Variants in PFKFB3 observed in about 807,000 individuals in gnomAD.
The protein encoded by PFKFB3 is 6-phosphofructo-2-kinase/fructose-2,6-bisphosphatase 3.
A neutral mutation model predicts 68.0 loss-of-function variants in PFKFB3; 33 were observed. The observed-to-expected ratio is 0.49, with a 90% CI of 0.37 to 0.65. The LOEUF (loss-of-function observed/expected upper bound fraction) is 0.65. Among genes scored for constraint, PFKFB3 ranks in the 30% least tolerant of loss-of-function variants. PFKFB3 has a pLI of 0.00. For synonymous variants in PFKFB3, 315 were observed against 288.2 expected (o/e 1.09, Z -0.94); for missense variants, 586 against 712.2 (o/e 0.82, Z 2.02).
the PFKFB3 span, among the ~76,000 whole-genome samples, chr10:6,277,371 C>T: frequency 2.0e-5 from 3 of 150,650 alleles, no homozygotes; most frequent in African/African-American, 7.3e-5. Context: ...CAGGTGCACA[C>T]CAACACGCCC....
chr10:6,276,907 C>T, the PFKFB3 span, among the ~76,000 whole-genome samples: 2 of 150,580 alleles, frequency 1.3e-5, no homozygotes, highest in South Asian at 4.2e-4. Flanking sequence ...ATTCTTATAA[C>T]CATCACCCAA....
At chr10:6,214,399 G>C (rs768287724) in intron 2 of PFKFB3, among the ~76,000 whole-genome samples, 1 of 152,122 alleles carries the variant, frequency 6.6e-6, no homozygotes, top group African/African-American at 2.4e-5. Flanking sequence ...TGTCTTCCAC[G>C]AAAGTGGTCC....
intron 1 of PFKFB3, among the ~76,000 whole-genome samples, chr10:6,209,229 A>T (rs529457445): frequency 6.6e-6 from 1 of 152,238 alleles, no homozygotes; most frequent in South Asian, 2.1e-4. Flanking sequence ...CCCCAGATTC[A>T]ATTCGGGTGT....
the PFKFB3 span, among the ~76,000 whole-genome samples, chr10:6,277,008 C>G: frequency 6.6e-6 from 1 of 152,116 alleles, no homozygotes; most frequent in Non-Finnish European, 1.5e-5. Flanking sequence ...CCTTTCTCCT[C>G]CCCACCTGCT....
At chr10:6,183,617 A>G (rs1436770079) in intron 1 of PFKFB3, among the ~76,000 whole-genome samples, 2 of 68,874 alleles carry the variant, frequency 2.9e-5, no homozygotes, top group Admixed American at 3.0e-4. Flanking sequence ...AAAAAAAAAT[A>G]TATATATATA....
chr10:6,169,633 A>C lies in PFKFB3; in HGVS notation c.16+24620A>C, dbSNP rs187523719. Among the ~76,000 whole-genome samples the C allele has an allele frequency of 5.3e-5, 8 of 152,316 alleles. No homozygotes were observed. The East Asian group carries it at 1.5e-3, about 29-fold the overall frequency. On this transcript the variant is annotated intron_variant, in intron 1 of 14. Transcript: ENST00000379789. ...GCTGAGGAACAGGAAGAGTGCGTCC[A>C]GTACTGCTTAAGAATTCGGTGATGT...
chr10:6,224,379 G>A (rs769592242), intron 13 of PFKFB3, 166 bp downstream of exon 13: 34 of 653,210 alleles, frequency 5.2e-5, no homozygotes, highest in Non-Finnish European at 8.8e-5. Context: ...CTGCCTGTCT[G>A]TTCTGTGGCT....
chr10:6,174,835 T>C (rs79416379), intron 1 of PFKFB3, among the ~76,000 whole-genome samples: 2 of 130,954 alleles, frequency 1.5e-5, no homozygotes, highest in African/African-American at 2.7e-5. Flanking sequence ...TTTTTTTTTT[T>C]AATACGGAGT....
chr10:6,210,448 C>T lies in PFKFB3; in HGVS notation c.77-3175C>T, dbSNP rs185094313. Among the ~76,000 whole-genome samples, 770 of 110,782 alleles carry T rather than the reference C, an allele frequency of 7.0e-3. 196 individuals are homozygous for T. Among genetic ancestry groups the T allele is most frequent in the Middle Eastern group, 0.017 (4 of 240 alleles). The allele number at this position is 110,782 out of a possible 152,430, so 72.7% of individuals were successfully genotyped here. On this transcript the variant is annotated intron_variant, in intron 1 of 14. Transcript: ENST00000379775. ...CTATCTCGGCTCACTGCAAGCTCCG[C>T]CTCCCGGGTTCACGCCATTCTCCTG...
the PFKFB3 span, among the ~76,000 whole-genome samples, chr10:6,278,559 G>A: frequency 1.3e-5 from 2 of 152,174 alleles, no homozygotes; most frequent in African/African-American, 4.8e-5. Context: ...ACAGGCGTGA[G>A]CCACCGTGCC....
At chr10:6,202,833 G>A, upstream of PFKFB3, 3 of 981,380 alleles carry the variant, frequency 3.1e-6, no homozygotes, top group Non-Finnish European at 3.7e-6. Context: ...CCACGTGGAA[G>A]GGGGCTGGGA....
chr10:6,198,501 G>T (rs1340622616), upstream of PFKFB3, among the ~76,000 whole-genome samples: 1 of 151,782 alleles, frequency 6.6e-6, no homozygotes, highest in Non-Finnish European at 1.5e-5. Context: ...AATTTTTTTT[G>T]AGACAGAGTC....
chr10:6,168,533 G>T (rs1391840855), intron 1 of PFKFB3, among the ~76,000 whole-genome samples: 1 of 152,204 alleles, frequency 6.6e-6, no homozygotes, highest in Non-Finnish European at 1.5e-5. Flanking sequence ...ACATGGCCTG[G>T]TAGAAAATCA....
Position 6,206,683 on chromosome 10 carries a change from C to T in PFKFB3, c.76+3347C>T, listed in dbSNP as rs533933921. ...GCAGAGACGCTCCCCACATCTCAGA[C>T]GATGGGCGGCCGGGCAGAGATGCTC... On this transcript the variant is annotated intron_variant, in intron 1 of 14. Transcript: ENST00000379775. 2.1e-3 allele frequency among the ~76,000 whole-genome samples: 308 copies of T among 149,682 alleles called. 3 individuals are homozygous for T. Among genetic ancestry groups the T allele is most frequent in the African/African-American group, 7.2e-3 (291 of 40,436 alleles).
chr10:6,249,745 T>TTG (rs34232938), intron 14 of PFKFB3, among the ~76,000 whole-genome samples: 50,731 of 150,724 alleles, frequency 0.34, 10,333 homozygotes, highest in Non-Finnish European at 0.47. Context: ...GGTGGAATAT[T>TTG]TGTGTGTGTG....
At chr10:6,178,129 C>A (rs1842586415) in intron 1 of PFKFB3, among the ~76,000 whole-genome samples, 1 of 152,178 alleles carries the variant, frequency 6.6e-6, no homozygotes, top group Non-Finnish European at 1.5e-5. Flanking sequence ...GATGACAGGA[C>A]CTTTGGGAAT....
chr10:6,214,043 C>T (rs1162454387), intron 2 of PFKFB3, among the ~76,000 whole-genome samples: 4 of 152,198 alleles, frequency 2.6e-5, no homozygotes, highest in Non-Finnish European at 4.4e-5. Context: ...ACATTCCTGT[C>T]GCACTCAGTC....
rs1325072245 is a variant in PFKFB3 at position 6,228,090 on chromosome 10, A to G, written c.1515+1725A>G. The G allele has an allele frequency of 3.0e-5, 37 of 1,226,460 alleles. No homozygotes were observed. The highest frequency in any genetic ancestry group is 4.2e-5 in the Non-Finnish European group (35 of 834,948). 76.0% of individuals were successfully genotyped at this position (1,226,460 alleles called of 1,614,324 possible). A position where few individuals can be genotyped will look rare whatever the true frequency, so the allele number is the denominator to read the frequency against. On this transcript the variant is annotated intron_variant, in intron 14 of 14. Coordinates refer to ENST00000379775, the MANE Select transcript of PFKFB3 (RefSeq NM_004566.4). This position sits in a 1 kb window ranked among gnomAD's most constrained non-coding sequence, Gnocchi z 4.5. ...CTTCAGGGTGGCCAGGTTCTTAGGG[A>G]CGTCTGAAGCTGCTGGCTGGGCCGG...
chr10:6,223,064 G>A (rs2298102), intron 11 of PFKFB3, 80 bp downstream of exon 11: 42,017 of 1,455,656 alleles, frequency 0.029, 1,574 homozygotes, highest in South Asian at 0.14. Flanking sequence ...CAGACCTGCC[G>A]TGGCCTGCCC....
Sources: allele counts gnomAD v4.1 joint callset (sites outside exome capture counted in the v4.1 genomes callset), GRCh38; gene constraint gnomAD v4.1.1; non-coding constraint Gnocchi (gnomAD v3.1); transcripts MANE v1.5; gene names NCBI Gene and HGNC (gene_info 2026-07-23, HGNC 2026-07-21).